AQR: variants seen among roughly 807,000 people sequenced by gnomAD.
AQR encodes the protein aquarius intron-binding spliceosomal factor.
AQR carries 61 observed loss-of-function variants against 180.5 expected under a neutral mutation model. The observed-to-expected ratio is 0.34, with a 90% CI of 0.28 to 0.42. The LOEUF is 0.42. Among genes scored for constraint, AQR ranks in the 10% least tolerant of loss-of-function variants. AQR has a pLI of 1.00. For synonymous variants in AQR, 551 were observed against 588.8 expected (o/e 0.94, Z 0.93); for missense variants, 1,281 against 1,798.3 (o/e 0.71, Z 5.20).
chr15:34,896,205 T>C (rs541693949), intron 22 of AQR, among the ~76,000 whole-genome samples: 7 of 152,316 alleles, frequency 4.6e-5, no homozygotes, highest in South Asian at 4.1e-4. Context: ...ATCTCTGCCA[T>C]TGCAGCACAA....
Position 34,915,188 on chromosome 15 carries a change from G to C in AQR, c.1343-9C>G, listed in dbSNP as rs1893561849. 6 of 1,561,066 alleles carry C rather than the reference G, an allele frequency of 3.8e-6. No individual in the cohort carries two copies. Among genetic ancestry groups the C allele is most frequent in the Non-Finnish European group, 5.2e-6 (6 of 1,161,822 alleles). Reference sequence around the variant, plus strand: ...GGGAAGAGCAAGACAACCTGAAAAGGAAAAAAACATCCATATTTCAATTTT... The same window carrying C: ...GGGAAGAGCAAGACAACCTGAAAAGCAAAAAAACATCCATATTTCAATTTT... On this transcript the variant is annotated splice_polypyrimidine_tract_variant and intron_variant, in intron 15 of 34. Coordinates refer to ENST00000156471, the MANE Select transcript of AQR (RefSeq NM_014691.3).
intron 32 of AQR, among the ~76,000 whole-genome samples, chr15:34,863,662 T>C (rs1182884721): frequency 6.6e-6 from 1 of 152,184 alleles, no homozygotes; most frequent in Non-Finnish European, 1.5e-5. Context: ...TACTCAATGT[T>C]CATATCAACA....
intron 27 of AQR, among the ~76,000 whole-genome samples, chr15:34,880,269 A>C (rs1892951492): frequency 6.6e-6 from 1 of 152,212 alleles, no homozygotes; most frequent in Non-Finnish European, 1.5e-5. Flanking sequence ...CCTCCTATGC[A>C]TCCTTTCACA....
At chr15:34,912,910 T>C (rs1249174962) in intron 16 of AQR, among the ~76,000 whole-genome samples, 2 of 152,146 alleles carry the variant, frequency 1.3e-5, no homozygotes, top group Admixed American at 6.5e-5. Flanking sequence ...AAAGAGAAAC[T>C]AATTAAAAAC....
Position 34,855,188 on chromosome 15 carries a change from C to A in AQR, c.*1604G>T, listed in dbSNP as rs1335049060. 6.6e-6 allele frequency: 1 copy of A among 152,220 alleles called. No individual in the cohort carries two copies. The highest frequency in any genetic ancestry group is 2.4e-5 in the African/African-American group (1 of 41,456). The allele number at this position is 152,220 out of a possible 1,614,324, so 9.4% of individuals were successfully genotyped here. ...AATGTCCTGATGCAGTAGGATACAT[C>A]ATAAAATGAGAGTCTGTACCATATT... On this transcript the variant is annotated 3_prime_UTR_variant, in exon 35 of 35. Coordinates refer to ENST00000156471, the MANE Select transcript of AQR (RefSeq NM_014691.3).
intron 24 of AQR, among the ~76,000 whole-genome samples, chr15:34,889,186 G>A (rs1893104630): frequency 6.6e-6 from 1 of 152,152 alleles, no homozygotes; most frequent in South Asian, 2.1e-4. Context: ...ATACCTATGG[G>A]ATGAATTCAA....
chr15:34,852,329 G>C lies in AQR; in HGVS notation c.*4463C>G, dbSNP rs563581693. ...AGGACTACAGGTGCCTGCCACCATG[G>C]CTGGCTAATTTTTGTCTTTTTAGTA... On this transcript the variant is annotated 3_prime_UTR_variant, in exon 35 of 35. Coordinates refer to ENST00000156471, the MANE Select transcript of AQR (RefSeq NM_014691.3). The C allele has an allele frequency of 6.6e-6, 1 of 152,044 alleles. No individual in the cohort carries two copies. Among genetic ancestry groups the C allele is most frequent in the South Asian group, 2.1e-4 (1 of 4,820 alleles). The allele number at this position is 152,044 out of a possible 1,614,324, so 9.4% of individuals were successfully genotyped here. A position where few individuals can be genotyped will look rare whatever the true frequency, so the allele number is the denominator to read the frequency against.
chr15:34,945,512 G>T (rs529349942), intron 5 of AQR, among the ~76,000 whole-genome samples: 3 of 152,254 alleles, frequency 2.0e-5, no homozygotes, highest in South Asian at 2.1e-4. Context: ...TCACCAAAGT[G>T]ATCTTTATAA....
At chr15:34,913,413 A>G (rs1313848328) in intron 16 of AQR, among the ~76,000 whole-genome samples, 3 of 152,200 alleles carry the variant, frequency 2.0e-5, no homozygotes, top group African/African-American at 7.2e-5. Context: ...AAGATACATG[A>G]AACAGAAAGA....
At chr15:34,955,453 G>A (rs1412406047) in intron 3 of AQR, among the ~76,000 whole-genome samples, 2 of 152,048 alleles carry the variant, frequency 1.3e-5, no homozygotes, top group African/African-American at 2.4e-5. Flanking sequence ...TGTGAAATAC[G>A]AGGTCTGGAG....
chr15:34,913,144 T>A (rs1345505467), intron 16 of AQR, among the ~76,000 whole-genome samples: 1 of 152,202 alleles, frequency 6.6e-6, no homozygotes, highest in Non-Finnish European at 1.5e-5. Context: ...AATCCAGTTG[T>A]GGAACATTTC....
chr15:34,893,099 T>C (rs769821906), intron 23 of AQR, among the ~76,000 whole-genome samples: 1 of 152,192 alleles, frequency 6.6e-6, no homozygotes, highest in African/African-American at 2.4e-5. Flanking sequence ...GAACAAGTGC[T>C]CAATGCTGCA....
At chr15:34,943,085 T>TA in intron 6 of AQR, 1 of 1,611,692 alleles carries the variant, frequency 6.2e-7, no homozygotes, top group Non-Finnish European at 8.5e-7. Context: ...CAAGCATGGT[T>TA]AACGTCCCTA....
At chr15:34,927,529 G>C (rs953625292) in intron 12 of AQR, among the ~76,000 whole-genome samples, 25 of 152,194 alleles carry the variant, frequency 1.6e-4, no homozygotes, top group Non-Finnish European at 3.1e-4. Flanking sequence ...AACTTGGAAG[G>C]AGAGACCAAA....
chr15:34,948,218 T>C (rs1218029100), intron 5 of AQR, 46 bp downstream of exon 5: 1 of 1,604,616 alleles, frequency 6.2e-7, no homozygotes, highest in Non-Finnish European at 8.5e-7. Flanking sequence ...TTGTAATGGC[T>C]TATGTGGGTC....
intron 26 of AQR, 129 bp from the exon 27 acceptor site, chr15:34,882,768 A>T (rs1480675186): frequency 1.6e-5 from 13 of 819,850 alleles, no homozygotes; most frequent in Non-Finnish European, 2.1e-5. Context: ...CTAATGAATT[A>T]TAATTCTGTT....
chr15:34,869,223 T>A (rs914979961), intron 31 of AQR: 8 of 152,188 alleles, frequency 5.3e-5, no homozygotes, highest in Admixed American at 1.3e-4. Context: ...GGTAGTGGTA[T>A]ATCATTGTAG....
intron 9 of AQR, among the ~76,000 whole-genome samples, chr15:34,937,774 C>T (rs749802093): frequency 1.3e-5 from 2 of 152,074 alleles, no homozygotes; most frequent in Non-Finnish European, 1.5e-5. Flanking sequence ...ACTCCAGCTA[C>T]TCAGGAGGCT....
chr15:34,870,629 C>T, intron 31 of AQR, 123 bp downstream of exon 31: 2 of 767,572 alleles, frequency 2.6e-6, no homozygotes, highest in Non-Finnish European at 3.8e-6. Flanking sequence ...ATTTATAGTT[C>T]CCATTATTTC....
Sources: gnomAD v4.1 joint callset for allele counts (sites outside exome capture counted in the v4.1 genomes callset) on GRCh38, gnomAD v4.1.1 for gene constraint, MANE v1.5 for transcripts, NCBI Gene and HGNC (gene_info 2026-07-23, HGNC 2026-07-21) for gene names.